Variants in HMCN1 observed in about 807,000 individuals in gnomAD.
HMCN1 encodes hemicentin 1.
HMCN1 carries 321 observed loss-of-function variants against 625.9 expected under a neutral mutation model. The observed-to-expected ratio is 0.51, with a 90% CI of 0.47 to 0.56. HMCN1 has a LOEUF of 0.56. HMCN1 is among the 20% of genes least tolerant of loss of function. The probability of loss-of-function intolerance (pLI) is 0.00; values close to 1 mark genes in which losing one functional copy is unlikely to be tolerated. For missense variants in HMCN1, 6,588 were observed against 6,887.3 expected (o/e 0.96, Z 1.54); for synonymous variants, 2,425 against 2,417.6 (o/e 1.00, Z -0.09).
At position 185,757,649 on chromosome 1, in the gene HMCN1, CTTAT is replaced by C. The variant is rs200169812; in HGVS notation, c.268+22608_268+22611del. Reference sequence around the variant, plus strand: ...TTATTATAATATATAAATATATATGCTTATTTATTGTTTTCTTCCCCTAGAGTAC... The same window carrying C: ...TTATTATAATATATAAATATATATGCTTATTGTTTTCTTCCCCTAGAGTAC... On this transcript the variant is annotated intron_variant, in intron 1 of 106. Transcript: ENST00000271588. 6.5e-3 allele frequency among the ~76,000 whole-genome samples: 992 copies of C among 152,012 alleles called. 9 individuals carry two copies. The highest frequency in any genetic ancestry group is 0.023 in the African/African-American group (942 of 41,508).
intron 83 of HMCN1, 95 bp downstream of exon 83, chr1:186,128,386 C>T: frequency 9.9e-7 from 1 of 1,006,080 alleles, no homozygotes; most frequent in Non-Finnish European, 1.5e-6. Flanking sequence ...TGAAAAGTAA[C>T]AAGAATTGAT....
intron 36 of HMCN1, among the ~76,000 whole-genome samples, chr1:186,027,187 G>T (rs1655114845): frequency 6.6e-6 from 1 of 152,130 alleles, no homozygotes; most frequent in Non-Finnish European, 1.5e-5. Flanking sequence ...AAGAAAAGAG[G>T]AACATTCTCA....
chr1:186,157,197 C>T (rs1054226327), intron 97 of HMCN1, among the ~76,000 whole-genome samples: 5 of 152,150 alleles, frequency 3.3e-5, no homozygotes, highest in African/African-American at 1.2e-4. Flanking sequence ...ACATCAAAAT[C>T]TCAGCAGTAG....
intron 8 of HMCN1, 148 bp from the exon 9 acceptor site, chr1:185,924,899 T>A: frequency 2.6e-6 from 2 of 762,910 alleles, no homozygotes; most frequent in South Asian, 3.3e-5. Flanking sequence ...GAAAAAGTAA[T>A]TTTTAGTGAT....
chr1:186,132,283 C>A, intron 85 of HMCN1, 45 bp from the exon 86 acceptor site: 1 of 1,362,912 alleles, frequency 7.3e-7, no homozygotes, highest in Non-Finnish European at 1.0e-6. Flanking sequence ...GATTGCCCTG[C>A]TCTGTAGGCT....
At chr1:185,769,866 T>C (rs1656119812) in intron 1 of HMCN1, among the ~76,000 whole-genome samples, 1 of 152,116 alleles carries the variant, frequency 6.6e-6, no homozygotes, top group Admixed American at 6.6e-5. Context: ...CTTTTTTATA[T>C]AGTGGCTGGC....
chr1:185,799,271 C>T (rs1658620370), intron 1 of HMCN1, among the ~76,000 whole-genome samples: 1 of 152,124 alleles, frequency 6.6e-6, no homozygotes, highest in Non-Finnish European at 1.5e-5. Context: ...TTATCTTGTT[C>T]CCAAGTGCTA....
intron 1 of HMCN1, among the ~76,000 whole-genome samples, chr1:185,787,089 A>T (rs1347924739): frequency 6.6e-6 from 1 of 150,802 alleles, no homozygotes; most frequent in African/African-American, 2.4e-5. Flanking sequence ...ATATGTGTGC[A>T]TTTGTGTATG....
chr1:186,151,410 T>C, intron 94 of HMCN1, 61 bp downstream of exon 94: 1 of 1,496,186 alleles, frequency 6.7e-7, no homozygotes, highest in Non-Finnish European at 9.3e-7. Context: ...TCTTATTACT[T>C]CCATTAAAGT....
intron 80 of HMCN1, among the ~76,000 whole-genome samples, chr1:186,121,448 G>T (rs1460884304): frequency 6.6e-6 from 1 of 152,064 alleles, no homozygotes. Flanking sequence ...AAAACTGATG[G>T]ATTTATGTTG....
At chr1:185,957,847 A>T (rs907049101) in intron 11 of HMCN1, among the ~76,000 whole-genome samples, 1 of 152,196 alleles carries the variant, frequency 6.6e-6, no homozygotes, top group Non-Finnish European at 1.5e-5. Context: ...TAATGATGAG[A>T]ATTACTTCAC....
intron 4 of HMCN1, among the ~76,000 whole-genome samples, chr1:185,894,699 C>T (rs963282977): frequency 3.9e-5 from 6 of 152,146 alleles, no homozygotes; most frequent in African/African-American, 9.6e-5. Context: ...AGATGTGTAT[C>T]GTATGATTAT....
intron 103 of HMCN1, among the ~76,000 whole-genome samples, chr1:186,175,554 C>T (rs1457835117): frequency 2.0e-5 from 3 of 152,188 alleles, no homozygotes; most frequent in African/African-American, 7.2e-5. Context: ...TCATTTTAGT[C>T]TTCTATTTAG....
chr1:186,189,108 C>T (rs652111), intron 106 of HMCN1, among the ~76,000 whole-genome samples: 2,217 of 152,176 alleles, frequency 0.015, 29 homozygotes, highest in Non-Finnish European at 0.022. Flanking sequence ...TTTGTTTCAC[C>T]TTTTAAACAG....
Position 186,095,501 on chromosome 1 carries a change from A to T in HMCN1, c.10553A>T (p.His3518Leu), listed in dbSNP as rs1260285517. Reference protein sequence around the residue: ...ASNEAGEVSKHFILKVLEPPH... With the variant: ...ASNEAGEVSKLFILKVLEPPH... ...AATGAAGCTGGAGAAGTCAGCAAGC[A>T]CTTTATCCTCAAGGTCCTAGGTATG... Residue 3518 changes from histidine (H) to leucine (L), a missense_variant, in exon 68 of 107, where the codon CAC becomes CTC. By Grantham distance (99) the His-to-Leu change is moderately conservative. Coordinates refer to ENST00000271588, the MANE Select transcript of HMCN1 (RefSeq NM_031935.3). 1 of 1,613,628 alleles carries T rather than the reference A, an allele frequency of 6.2e-7. No homozygotes were observed. Among genetic ancestry groups the T allele is most frequent in the Admixed American group, 1.7e-5 (1 of 59,932 alleles).
In HMCN1 at chr1:186,117,538, G is replaced by C. The variant is rs142946901; in HGVS notation, c.11763G>C (p.Ser3921=). 1 of 1,613,736 alleles carries C rather than the reference G, an allele frequency of 6.2e-7. No individual in the cohort carries two copies. The highest frequency in any genetic ancestry group is 8.5e-7 in the Non-Finnish European group (1 of 1,179,788). ...CAGCAGTAATTACCTGCACTGCTTC[G>C]GGAGTTCCATTTCCCTCAATTCACT... ...HAPAVITCTA[S]GVPFPSIHWT... The change falls in exon 77 of 107, where the codon TCG becomes TCC. Residue 3921 remains serine (S), a synonymous_variant. Transcript: ENST00000271588.
chr1:185,805,086 T>C (rs1435527081), intron 1 of HMCN1, among the ~76,000 whole-genome samples: 2 of 152,162 alleles, frequency 1.3e-5, no homozygotes, highest in Non-Finnish European at 2.9e-5. Flanking sequence ...GGGGAAAAAT[T>C]ATTCTGATGG....
chr1:186,048,631 A>G (rs1422411502), intron 41 of HMCN1, 112 bp from the exon 42 acceptor site: 1 of 718,632 alleles, frequency 1.4e-6, no homozygotes, highest in East Asian at 2.7e-5. Flanking sequence ...TCTATTTTTT[A>G]TATGTATGTG....
chr1:186,068,323 C>T (rs999022415), intron 50 of HMCN1, among the ~76,000 whole-genome samples: 5 of 152,142 alleles, frequency 3.3e-5, no homozygotes, highest in African/African-American at 1.2e-4. Flanking sequence ...GGTAGAAATT[C>T]ATTCCTGATT....
Sources: gnomAD v4.1 joint callset for allele counts (sites outside exome capture counted in the v4.1 genomes callset) on GRCh38, gnomAD v4.1.1 for gene constraint, MANE v1.5 for transcripts, NCBI Gene and HGNC (gene_info 2026-07-23, HGNC 2026-07-21) for gene names.